Variants in GALNT18 observed in about 807,000 individuals in gnomAD.
The protein encoded by GALNT18 is GalNAc-transferase 18.
Under a neutral mutation model 69.5 loss-of-function variants are expected in GALNT18, and 44 were observed. The ratio of observed to expected loss-of-function variants is 0.63; its 90% CI spans 0.50 to 0.81. The LOEUF (loss-of-function observed/expected upper bound fraction) is 0.81, where lower values mean the gene tolerates loss of function less well. GALNT18 is among the 40% of genes least tolerant of loss of function. The probability of loss-of-function intolerance (pLI) is 0.00; values close to 1 mark genes in which losing one functional copy is unlikely to be tolerated. For synonymous variants in GALNT18, 364 were observed against 318.2 expected, an observed-to-expected ratio of 1.14 and a Z score of -1.53; for missense variants, 715 against 810.0, an observed-to-expected ratio of 0.88 and a Z score of 1.42.
rs1049075913 is a variant in GALNT18 at position 11,341,398 on chromosome 11, C to T, written c.1093-394G>A. Among the ~76,000 whole-genome samples, 5 of 152,076 alleles carry T rather than the reference C, an allele frequency of 3.3e-5. No homozygotes were observed. The highest frequency in any genetic ancestry group is 5.9e-5 in the Non-Finnish European group (4 of 68,026). On this transcript the variant is annotated intron_variant, in intron 6 of 10. Transcript: ENST00000227756. This position sits in a 1 kb window ranked among gnomAD's most constrained non-coding sequence, Gnocchi z 6.3. ...CAGCAGTGGTTGACATAAAGGAGAA[C>T]CAGCAAGACTCCCAGCAGAGACTTC...
Position 11,600,857 on chromosome 11 carries a change from G to A in GALNT18, c.235+20502C>T, listed in dbSNP as rs963232272. Among the ~76,000 whole-genome samples the A allele has an allele frequency of 6.6e-6, 1 of 151,518 alleles. No homozygotes were observed. The highest frequency in any genetic ancestry group is 1.5e-5 in the Non-Finnish European group (1 of 67,864). On this transcript the variant is annotated intron_variant, in intron 1 of 10. Transcript: ENST00000227756. The surrounding 1 kb of genome is among the most constrained non-coding windows in gnomAD (Gnocchi z 4.8). Reference sequence around the variant, plus strand: ...TCTTTTTCTCTTTTTTTCAGATGTGGTAATCTCTATTGATCTATCTTCAAA... The same window carrying A: ...TCTTTTTCTCTTTTTTTCAGATGTGATAATCTCTATTGATCTATCTTCAAA...
intron 1 of GALNT18, among the ~76,000 whole-genome samples, chr11:11,524,746 A>T (rs1329532756): frequency 6.6e-6 from 1 of 152,234 alleles, no homozygotes; most frequent in Non-Finnish European, 1.5e-5. Context: ...TGTTTGTTAC[A>T]ATAAAACAGA....
intron 3 of GALNT18, among the ~76,000 whole-genome samples, chr11:11,385,144 AG>A (rs1388489552): frequency 6.6e-6 from 1 of 152,066 alleles, no homozygotes; most frequent in African/African-American, 2.4e-5. Context: ...GGGAGGCACC[AG>A]GCTCTTTATA....
intron 1 of GALNT18, among the ~76,000 whole-genome samples, chr11:11,508,239 A>C (rs1857104060): frequency 6.6e-6 from 1 of 151,998 alleles, no homozygotes; most frequent in East Asian, 1.9e-4. Context: ...ACACACATAT[A>C]CCCTTTTTTG....
In GALNT18 at chr11:11,523,840, G is replaced by A. The variant is rs1857457774; in HGVS notation, c.236-74904C>T. On this transcript the variant is annotated intron_variant, in intron 1 of 10. Coordinates refer to ENST00000227756, the MANE Select transcript of GALNT18 (RefSeq NM_198516.3). This position sits in a 1 kb window ranked among gnomAD's most constrained non-coding sequence, Gnocchi z 4.3. ...AGAAGTGAATTAATTAAAGGACACT[G>A]GGAAGCTCATGGAATTGCCAAGAGA... 6.6e-6 allele frequency among the ~76,000 whole-genome samples: 1 copy of A among 152,096 alleles called. No individual in the cohort carries two copies. Among genetic ancestry groups the A allele is most frequent in the African/African-American group, 2.4e-5 (1 of 41,410 alleles).
Position 11,377,439 on chromosome 11 carries a change from T to C in GALNT18, c.780-60A>G. The C allele has an allele frequency of 1.4e-6, 2 of 1,474,052 alleles. No homozygotes were observed. Among genetic ancestry groups the C allele is most frequent in the East Asian group, 2.3e-5 (1 of 43,970 alleles). 91.3% of individuals were successfully genotyped at this position (1,474,052 alleles called of 1,614,324 possible). A position where few individuals can be genotyped will look rare whatever the true frequency, so the allele number is the denominator to read the frequency against. On this transcript the variant is annotated intron_variant, in intron 4 of 10. Coordinates refer to ENST00000227756, the MANE Select transcript of GALNT18 (RefSeq NM_198516.3). This position sits in a 1 kb window ranked among gnomAD's most constrained non-coding sequence, Gnocchi z 4.6. The stretch of plus-strand genomic sequence containing the variant: ...ATTTCCAAGGTGGAAAAATCCAGAG[T>C]AGCATCTCCTGAAGGTCCTTCCCCA...
In GALNT18 at chr11:11,619,798, G is replaced by A. The variant is rs957448461; in HGVS notation, c.235+1561C>T. ...GACACGTAAGAAATAACAGCAACTGGCACCCACAGATAGGTAAATTGGTTT... is the reference window on the plus strand; with the variant it reads ...GACACGTAAGAAATAACAGCAACTGACACCCACAGATAGGTAAATTGGTTT... On this transcript the variant is annotated intron_variant, in intron 1 of 10. Transcript: ENST00000227756. The surrounding 1 kb of genome is among the most constrained non-coding windows in gnomAD (Gnocchi z 4.9). 1.3e-5 allele frequency among the ~76,000 whole-genome samples: 2 copies of A among 152,186 alleles called. No homozygotes were observed. The highest frequency in any genetic ancestry group is 4.8e-5 in the African/African-American group (2 of 41,434).
intron 9 of GALNT18, among the ~76,000 whole-genome samples, chr11:11,303,649 A>G (rs1849533315): frequency 6.6e-6 from 1 of 151,946 alleles, no homozygotes; most frequent in African/African-American, 2.4e-5. Context: ...GGTGCTCCTG[A>G]GCCTTCTGGG....
intron 1 of GALNT18, among the ~76,000 whole-genome samples, chr11:11,504,114 T>A (rs1857024999): frequency 6.6e-6 from 1 of 152,236 alleles, no homozygotes; most frequent in Admixed American, 6.5e-5. Flanking sequence ...CACAGTTTTC[T>A]TTTCTGTTGA....
At position 11,594,735 on chromosome 11, in the gene GALNT18, CT is replaced by C. The variant is rs1449920466; in HGVS notation, c.235+26623del. Among the ~76,000 whole-genome samples the C allele has an allele frequency of 2.0e-5, 3 of 150,798 alleles. No homozygotes were observed. In the East Asian group the frequency reaches 5.8e-4, roughly 29 times the overall value. On this transcript the variant is annotated intron_variant, in intron 1 of 10. Transcript: ENST00000227756. Reference sequence around the variant, plus strand: ...TTGATAGACATTTGGATTATTTTCACTTTTTGCCATTATAAATAATATTGCT... The same window carrying C: ...TTGATAGACATTTGGATTATTTTCACTTTTGCCATTATAAATAATATTGCT...
At chr11:11,534,500 A>G (rs531504367) in intron 1 of GALNT18, among the ~76,000 whole-genome samples, 194 of 152,340 alleles carry the variant, frequency 1.3e-3, no homozygotes, top group Admixed American at 4.5e-3. Context: ...AAGTGAATAT[A>G]ACACAGTCTT....
chr11:11,287,708 G>GA (rs1189158865), intron 10 of GALNT18, among the ~76,000 whole-genome samples: 11 of 152,238 alleles, frequency 7.2e-5, no homozygotes, highest in Middle Eastern at 3.4e-3. Flanking sequence ...TCACAAACAG[G>GA]AAAAAATCAC....
In GALNT18 at chr11:11,437,673, G is replaced by A. The variant is rs1020521639; in HGVS notation, c.429-4886C>T. On this transcript the variant is annotated intron_variant, in intron 2 of 10. Transcript: ENST00000227756. ...AGCCAGACACCTCCGTCTTGGACTG[G>A]CAGACCCTCCCCTCTTTGACCTCAG... Among the ~76,000 whole-genome samples the A allele has an allele frequency of 2.0e-5, 3 of 149,062 alleles. No homozygotes were observed. In the Admixed American group the frequency reaches 2.1e-4, roughly 10 times the overall value.
intron 1 of GALNT18, among the ~76,000 whole-genome samples, chr11:11,474,762 G>A (rs1856351271): frequency 6.6e-6 from 1 of 152,224 alleles, no homozygotes; most frequent in African/African-American, 2.4e-5. Flanking sequence ...GGAATGCAGA[G>A]GCTCCTAACC....
At chr11:11,272,974 C>G (rs1848859023) in intron 10 of GALNT18, among the ~76,000 whole-genome samples, 1 of 151,660 alleles carries the variant, frequency 6.6e-6, no homozygotes, top group Non-Finnish European at 1.5e-5. Flanking sequence ...AATAAATTGC[C>G]TGAGAAAATG....
chr11:11,427,842 C>T lies in GALNT18; in HGVS notation c.595+4779G>A, dbSNP rs533571593. On this transcript the variant is annotated intron_variant, in intron 3 of 10. Coordinates refer to ENST00000227756, the MANE Select transcript of GALNT18 (RefSeq NM_198516.3). ...AGAAGCTTACAGGGAACTTTCACTC[C>T]GATTCCCCCACCTCATCCCCAGTGC... is the stretch of plus-strand genomic sequence containing the variant. Among the ~76,000 whole-genome samples the T allele has an allele frequency of 4.6e-5, 7 of 152,310 alleles. No homozygotes were observed. In the South Asian group the frequency reaches 1.0e-3, roughly 23 times the overall value.
chr11:11,438,208 T>C lies in GALNT18; in HGVS notation c.429-5421A>G, dbSNP rs532878505. Among the ~76,000 whole-genome samples, 10 of 152,300 alleles carry C rather than the reference T, an allele frequency of 6.6e-5. No individual in the cohort carries two copies. In the South Asian group the frequency reaches 1.7e-3, roughly 25 times the overall value. On this transcript the variant is annotated intron_variant, in intron 2 of 10. Transcript: ENST00000227756. ...TCAGATACATCTAGCTTCTTCCAGATCTTTCCAGATTAGATTCCCAGGCCT... is the reference window on the plus strand; with the variant it reads ...TCAGATACATCTAGCTTCTTCCAGACCTTTCCAGATTAGATTCCCAGGCCT...
At chr11:11,438,221 G>T (rs565873354) in intron 2 of GALNT18, among the ~76,000 whole-genome samples, 12 of 152,162 alleles carry the variant, frequency 7.9e-5, no homozygotes, top group Non-Finnish European at 1.8e-4. Context: ...TTCCAGATTA[G>T]ATTCCCAGGC....
chr11:11,525,488 T>C (rs559678727), intron 1 of GALNT18, among the ~76,000 whole-genome samples: 66 of 152,040 alleles, frequency 4.3e-4, no homozygotes, highest in African/African-American at 1.4e-3. Context: ...TTGGATGAGG[T>C]TGAGACAGGG....
Sources: gnomAD v4.1 joint callset for allele counts (sites outside exome capture counted in the v4.1 genomes callset) on GRCh38, gnomAD v4.1.1 for gene constraint, Gnocchi (gnomAD v3.1) non-coding constraint, MANE v1.5 for transcripts, NCBI Gene and HGNC (gene_info 2026-07-23, HGNC 2026-07-21) for gene names.